The following GABBR2 variants were observed in gnomAD, a reference collection of about 807,000 sequenced individuals.
The protein encoded by GABBR2 is G-protein coupled receptor 51.
A neutral mutation model predicts 105.6 loss-of-function variants in GABBR2; 23 were observed. The observed-to-expected ratio is 0.22, with a 90% CI of 0.16 to 0.31. The LOEUF (loss-of-function observed/expected upper bound fraction) is 0.31. GABBR2 is among the 10% of genes least tolerant of loss of function. The pLI is 1.00. For synonymous variants in GABBR2, 478 were observed against 499.7 expected (o/e 0.96, Z 0.58); for missense variants, 734 against 1,245.5 (o/e 0.59, Z 6.18).
chr9:98,570,200 C>A (rs943530022), intron 2 of GABBR2, among the ~76,000 whole-genome samples: 1 of 152,206 alleles, frequency 6.6e-6, no homozygotes, highest in Non-Finnish European at 1.5e-5. Flanking sequence ...CCGAAATGTT[C>A]CTTCCCAGGA....
intron 7 of GABBR2, among the ~76,000 whole-genome samples, chr9:98,452,970 C>T (rs898624389): frequency 1.2e-4 from 19 of 152,196 alleles, no homozygotes; most frequent in African/African-American, 4.6e-4. Flanking sequence ...CCTGGCCCAC[C>T]CCAGCCCACC....
At chr9:98,679,522 T>A (rs1378325623) in intron 1 of GABBR2, among the ~76,000 whole-genome samples, 1 of 152,228 alleles carries the variant, frequency 6.6e-6, no homozygotes, top group Non-Finnish European at 1.5e-5. Context: ...TGAAAAGGGC[T>A]GTAATGATTG....
chr9:98,324,672 G>T (rs1440632059), intron 13 of GABBR2, among the ~76,000 whole-genome samples: 2 of 152,220 alleles, frequency 1.3e-5, no homozygotes, highest in Admixed American at 1.3e-4. Context: ...AATGGCTGCT[G>T]TGGCCACTGC....
intron 7 of GABBR2, among the ~76,000 whole-genome samples, chr9:98,452,066 G>A (rs12686682): frequency 6.6e-5 from 10 of 152,282 alleles, no homozygotes; most frequent in African/African-American, 2.2e-4. Flanking sequence ...GGTCTTGCCC[G>A]TGCATGTGAG....
intron 1 of GABBR2, among the ~76,000 whole-genome samples, chr9:98,581,827 T>C (rs1829007655): frequency 6.6e-6 from 1 of 152,258 alleles, no homozygotes; most frequent in Non-Finnish European, 1.5e-5. Flanking sequence ...TTAAATAATA[T>C]TAGCAACAAT....
chr9:98,497,766 T>C (rs1466720056), intron 3 of GABBR2, among the ~76,000 whole-genome samples: 1 of 152,212 alleles, frequency 6.6e-6, no homozygotes, highest in Non-Finnish European at 1.5e-5. Flanking sequence ...ACTGGAACCC[T>C]TGTGTGTTGC....
intron 3 of GABBR2, among the ~76,000 whole-genome samples, chr9:98,498,421 T>G (rs1189822327): frequency 6.6e-6 from 1 of 152,234 alleles, no homozygotes; most frequent in Non-Finnish European, 1.5e-5. Context: ...AAAGAACTTC[T>G]TATTTCAACA....
At chr9:98,622,824 C>A (rs1829687829) in intron 1 of GABBR2, among the ~76,000 whole-genome samples, 1 of 152,182 alleles carries the variant, frequency 6.6e-6, no homozygotes, top group Non-Finnish European at 1.5e-5. Context: ...TTAGTGGCTT[C>A]AATAACACAG....
intron 5 of GABBR2, among the ~76,000 whole-genome samples, chr9:98,479,423 A>G (rs933007692): frequency 1.3e-5 from 2 of 152,194 alleles, no homozygotes; most frequent in Non-Finnish European, 2.9e-5. Flanking sequence ...CCCAACTTCA[A>G]TAATAAGTAG....
chr9:98,697,348 G>A (rs1162211079), intron 1 of GABBR2, among the ~76,000 whole-genome samples: 2 of 152,148 alleles, frequency 1.3e-5, no homozygotes, highest in African/African-American at 2.4e-5. Context: ...AAAATTAGCC[G>A]GGCGTGGTGG....
At position 98,471,384 on chromosome 9, in the gene GABBR2, C is replaced by T. The variant is rs138979984; in HGVS notation, c.999+1762G>A. 3.0e-3 allele frequency among the ~76,000 whole-genome samples: 451 copies of T among 152,304 alleles called. 4 individuals are homozygous for T. The highest frequency in any genetic ancestry group is 0.01 in the African/African-American group (416 of 41,576). On this transcript the variant is annotated intron_variant, in intron 6 of 18. Coordinates refer to ENST00000259455, the MANE Select transcript of GABBR2 (RefSeq NM_005458.8). Reference sequence around the variant, plus strand: ...AGACAGTGATGGGCAAGAGGTCAGCCTCTTCACCAATCCCGAATAAGAAAA... The same window carrying T: ...AGACAGTGATGGGCAAGAGGTCAGCTTCTTCACCAATCCCGAATAAGAAAA...
chr9:98,571,415 G>T (rs1564117932), intron 2 of GABBR2, among the ~76,000 whole-genome samples: 1 of 152,186 alleles, frequency 6.6e-6, no homozygotes, highest in Non-Finnish European at 1.5e-5. Flanking sequence ...AGCAGCATTT[G>T]TTAAAGAGCC....
At chr9:98,675,238 G>T (rs1830459618) in intron 1 of GABBR2, among the ~76,000 whole-genome samples, 1 of 152,192 alleles carries the variant, frequency 6.6e-6, no homozygotes, top group Admixed American at 6.5e-5. Flanking sequence ...GGATGGCAAT[G>T]GTGCTTTGGT....
At chr9:98,332,778 C>A (rs544867218) in intron 13 of GABBR2, among the ~76,000 whole-genome samples, 1 of 152,372 alleles carries the variant, frequency 6.6e-6, no homozygotes, top group East Asian at 1.9e-4. Context: ...TGAACAGACA[C>A]AGGAAAATCC....
intron 1 of GABBR2, among the ~76,000 whole-genome samples, chr9:98,698,885 C>G (rs1228667844): frequency 6.6e-6 from 1 of 152,170 alleles, no homozygotes; most frequent in Non-Finnish European, 1.5e-5. Flanking sequence ...TGAGCATACC[C>G]AGTTCCTGAG....
At chr9:98,492,981 C>A (rs996973794) in intron 4 of GABBR2, among the ~76,000 whole-genome samples, 1 of 152,154 alleles carries the variant, frequency 6.6e-6, no homozygotes, top group Non-Finnish European at 1.5e-5. Flanking sequence ...GTAGTTATGA[C>A]CTACCTCTTT....
At chr9:98,333,774 C>G (rs1831068284) in intron 13 of GABBR2, among the ~76,000 whole-genome samples, 1 of 152,184 alleles carries the variant, frequency 6.6e-6, no homozygotes, top group Non-Finnish European at 1.5e-5. Context: ...TAACTTCACA[C>G]AGTAAGTGGC....
intron 1 of GABBR2, chr9:98,607,476 C>A: frequency 5.2e-6 from 3 of 573,344 alleles, no homozygotes; most frequent in Non-Finnish European, 9.4e-6. Context: ...AACCCAAGAA[C>A]ATAAAATTAA....
intron 7 of GABBR2, among the ~76,000 whole-genome samples, chr9:98,421,348 G>A (rs1029143406): frequency 6.6e-6 from 1 of 150,516 alleles, no homozygotes; most frequent in Non-Finnish European, 1.5e-5. Context: ...AAAAATCGAC[G>A]AGGAACAGGA....
Sources: allele counts gnomAD v4.1 joint callset (sites outside exome capture counted in the v4.1 genomes callset), GRCh38; gene constraint gnomAD v4.1.1; transcripts MANE v1.5; gene names NCBI Gene and HGNC (gene_info 2026-07-23, HGNC 2026-07-21).